STON1: variants seen among roughly 807,000 people sequenced by gnomAD.
STON1 encodes the protein stonin-1.
Under a neutral mutation model 60.9 loss-of-function variants are expected in STON1, and 79 were observed. The ratio of observed to expected loss-of-function variants is 1.30; its 90% CI spans 1.08 to 1.56. The LOEUF (loss-of-function observed/expected upper bound fraction) is 1.56, where lower values mean the gene tolerates loss of function less well. Among genes scored for constraint, STON1 ranks in the 40% most tolerant of loss-of-function variants. STON1 has a pLI of 0.00. For synonymous variants in STON1, 363 were observed against 306.9 expected (o/e 1.18, Z -1.91); for missense variants, 1,166 against 858.9 (o/e 1.36, Z -4.47).
rs1382569651 is a variant in STON1, at chr2:48,550,526, T to A, written c.-48+20310T>A. 2.7e-5 allele frequency among the ~76,000 whole-genome samples: 4 copies of A among 148,960 alleles called. No homozygotes were observed. In the East Asian group the frequency reaches 7.8e-4, roughly 29 times the overall value. Reference sequence around the variant, plus strand: ...AAAAAAAAAAGACAAAAACCCCACATATTTATAGTGTTTCTTATGAGGATA... The same window carrying A: ...AAAAAAAAAAGACAAAAACCCCACAAATTTATAGTGTTTCTTATGAGGATA... On this transcript the variant is annotated intron_variant, in intron 1 of 3. Coordinates refer to ENST00000404752, the MANE Select transcript of STON1 (RefSeq NM_006873.4).
chr2:48,580,691 T>A lies in STON1; in HGVS notation c.58T>A (p.Ser20Thr). Reference protein sequence around the residue: ...VTFDDDPAVQSSQKSKNFPLE... With the variant: ...VTFDDDPAVQTSQKSKNFPLE... ...CTTTGATGATGATCCTGCTGTTCAA[T>A]CTTCTCAAAAGTCAAAGAATTTTCC... Residue 20 changes from serine (S) to threonine (T), a missense_variant, in exon 2 of 4, where the codon TCT becomes ACT. Ser to Thr is a moderately conservative substitution (Grantham distance 58). Transcript: ENST00000404752. The A allele has an allele frequency of 6.9e-7, 1 of 1,451,106 alleles. No individual in the cohort carries two copies. The highest frequency in any genetic ancestry group is 9.1e-7 in the Non-Finnish European group (1 of 1,099,732). The allele number at this position is 1,451,106 out of a possible 1,614,324, so 89.9% of individuals were successfully genotyped here. A position where few individuals can be genotyped will look rare whatever the true frequency, so the allele number is the denominator to read the frequency against.
At chr2:48,558,160 C>T (rs553775668) in intron 1 of STON1, among the ~76,000 whole-genome samples, 26 of 152,164 alleles carry the variant, frequency 1.7e-4, no homozygotes, top group Non-Finnish European at 2.9e-4. Context: ...GAGGCAGAGG[C>T]GGCAGTGAGC....
chr2:48,533,602 C>T (rs1320101126), intron 1 of STON1, among the ~76,000 whole-genome samples: 2 of 131,948 alleles, frequency 1.5e-5, no homozygotes, highest in East Asian at 2.2e-4. Context: ...AAGCAGGTTG[C>T]AGGGAGCCAA....
Position 48,581,410 on chromosome 2 carries a change from C to T in STON1, c.777C>T (p.Ala259=). The change falls in exon 2 of 4, where the codon GCC becomes GCT. Residue 259 remains alanine (A), a synonymous_variant. Transcript: ENST00000404752. ...ACTGTCTATGTGCTGAAGAAAATGCCTCTTCCTTTGTCCCCCACACACTCT... is the reference window on the plus strand; with the variant it reads ...ACTGTCTATGTGCTGAAGAAAATGCTTCTTCCTTTGTCCCCCACACACTCT... ...SMHCLCAEEN[A]SSFVPHTLFR... is the part of the protein sequence containing the mutation. 2 of 1,610,780 alleles carry T rather than the reference C, an allele frequency of 1.2e-6. No homozygotes were observed. Among genetic ancestry groups the T allele is most frequent in the Non-Finnish European group, 1.7e-6 (2 of 1,177,878 alleles).
chr2:48,537,764 C>G (rs1398441561), intron 1 of STON1, among the ~76,000 whole-genome samples: 2 of 150,346 alleles, frequency 1.3e-5, no homozygotes, highest in Non-Finnish European at 2.9e-5. Context: ...GCACGAAAAT[C>G]ACTTGAACCC....
chr2:48,572,129 C>T (rs753866532), intron 1 of STON1, among the ~76,000 whole-genome samples: 7 of 152,152 alleles, frequency 4.6e-5, no homozygotes, highest in African/African-American at 7.2e-5. Flanking sequence ...TGCCACTACA[C>T]TCCAGCCTGG....
In STON1 at chr2:48,597,150, G is replaced by T. The variant is rs1272669510; in HGVS notation, c.*1848G>T. 2.0e-5 allele frequency: 3 copies of T among 152,258 alleles called. No homozygotes were observed. Among genetic ancestry groups the T allele is most frequent in the African/African-American group, 7.2e-5 (3 of 41,450 alleles). 9.4% of individuals were successfully genotyped at this position (152,258 alleles called of 1,614,324 possible). A position where few individuals can be genotyped will look rare whatever the true frequency, so the allele number is the denominator to read the frequency against. On this transcript the variant is annotated 3_prime_UTR_variant, in exon 4 of 4. Transcript: ENST00000404752. ...TTAAATGCGTGAGCCACCATGCCCG[G>T]CCGCTATTGCTCTTTTTAACTTCAT...
At chr2:48,542,566 T>A (rs1203408152) in intron 1 of STON1, among the ~76,000 whole-genome samples, 1 of 152,216 alleles carries the variant, frequency 6.6e-6, no homozygotes, top group Admixed American at 6.5e-5. Context: ...TCCCATTATC[T>A]CCACTCTCCT....
intron 1 of STON1, among the ~76,000 whole-genome samples, chr2:48,554,725 TA>T (rs370476783): frequency 0.15 from 13,010 of 88,926 alleles, 1,749 homozygotes; most frequent in Non-Finnish European, 0.18. Context: ...TTTTTTTTTT[TA>T]TTTATTTATT....
chr2:48,566,329 C>A (rs906722889), intron 1 of STON1, among the ~76,000 whole-genome samples: 4 of 152,226 alleles, frequency 2.6e-5, no homozygotes, highest in Non-Finnish European at 5.9e-5. Context: ...GTGCCCACCA[C>A]CACGCCCGGC....
chr2:48,589,729 A>G (rs1674406959), intron 2 of STON1, among the ~76,000 whole-genome samples: 1 of 152,192 alleles, frequency 6.6e-6, no homozygotes, highest in Non-Finnish European at 1.5e-5. Context: ...ATTTTTTCTT[A>G]TAAAGTGTGA....
chr2:48,555,531 G>A (rs1672309571), intron 1 of STON1, among the ~76,000 whole-genome samples: 1 of 75,506 alleles, frequency 1.3e-5, no homozygotes, highest in Non-Finnish European at 2.7e-5. Flanking sequence ...CGGACGAGGC[G>A]GCTGGCCGGG....
chr2:48,537,698 A>C (rs1254826095), intron 1 of STON1, among the ~76,000 whole-genome samples: 3 of 151,904 alleles, frequency 2.0e-5, no homozygotes, highest in Non-Finnish European at 4.4e-5. Flanking sequence ...AAAATGCCAA[A>C]AATTAGCTGG....
rs749263063 is a variant in STON1 at position 48,591,734 on chromosome 2, C to T, written c.2012C>T (p.Ala671Val). The change falls in exon 3 of 4, where the codon GCT (alanine) becomes GTT (valine). Residue 671 changes from alanine (A) to valine (V), a missense_variant. Physicochemically the swap from Ala to Val is moderately conservative, Grantham distance 64 (BLOSUM62 0). Transcript: ENST00000404752. ...QEIPSDWYPF[A>V]TVQFSVPDTC... is the part of the protein sequence containing the mutation. ...ATTCCCTCTGATTGGTATCCATTTG[C>T]TACTGTTCAGTTTTCCGTGCCTGAC... 6 of 1,614,010 alleles carry T rather than the reference C, an allele frequency of 3.7e-6. No individual in the cohort carries two copies. In the African/African-American group the frequency reaches 6.7e-5, roughly 18 times the overall value.
chr2:48,570,510 A>C (rs1673149003), intron 1 of STON1, among the ~76,000 whole-genome samples: 2 of 152,098 alleles, frequency 1.3e-5, no homozygotes, highest in African/African-American at 2.4e-5. Flanking sequence ...AAATATGGGG[A>C]GTGCTAAATT....
At chr2:48,544,222 T>A (rs1238501105) in intron 1 of STON1, among the ~76,000 whole-genome samples, 1 of 152,070 alleles carries the variant, frequency 6.6e-6, no homozygotes, top group East Asian at 1.9e-4. Context: ...AGACCTCTGA[T>A]CATGACTTCT....
chr2:48,589,981 C>T (rs1052830291), intron 2 of STON1, among the ~76,000 whole-genome samples: 1 of 152,154 alleles, frequency 6.6e-6, no homozygotes, highest in Non-Finnish European at 1.5e-5. Flanking sequence ...CCTCATTATC[C>T]ACATTTTTAG....
chr2:48,550,524 CAT>C (rs901738011), intron 1 of STON1, among the ~76,000 whole-genome samples: 11 of 148,568 alleles, frequency 7.4e-5, no homozygotes, highest in Non-Finnish European at 1.5e-4. Flanking sequence ...AAAAACCCCA[CAT>C]ATTTATAGTG....
At chr2:48,592,985 A>T (rs1315849735) in intron 3 of STON1, among the ~76,000 whole-genome samples, 1 of 152,134 alleles carries the variant, frequency 6.6e-6, no homozygotes, top group Non-Finnish European at 1.5e-5. Context: ...CTAAAGGAGG[A>T]CATACACTTA....
Sources: allele counts gnomAD v4.1 joint callset (sites outside exome capture counted in the v4.1 genomes callset), GRCh38; gene constraint gnomAD v4.1.1; transcripts MANE v1.5; gene names NCBI Gene and HGNC (gene_info 2026-07-23, HGNC 2026-07-21).